Variants in POLDIP3 observed in about 807,000 individuals in gnomAD.
POLDIP3 encodes the protein polymerase delta-interacting protein 3.
Under a neutral mutation model 45.1 loss-of-function variants are expected in POLDIP3, and 14 were observed. That is an observed-to-expected ratio of 0.31 (90% CI 0.20 to 0.49). POLDIP3 has a LOEUF of 0.49. POLDIP3 is among the 20% of genes least tolerant of loss of function. The probability of loss-of-function intolerance (pLI) is 0.99; values close to 1 mark genes in which losing one functional copy is unlikely to be tolerated. For missense variants in POLDIP3, 511 were observed against 538.8 expected, an observed-to-expected ratio of 0.95 and a Z score of 0.51; for synonymous variants, 223 against 205.2, an observed-to-expected ratio of 1.09 and a Z score of -0.74.
At chr22:42,613,991 C>T in intron 1 of POLDIP3, among the ~76,000 whole-genome samples, 1 of 152,134 alleles carries the variant, frequency 6.6e-6, no homozygotes, top group East Asian at 1.9e-4. Context: ...GACATGACTG[C>T]AAATCACCTC....
At chr22:42,609,042 A>G (rs1334352693) in intron 1 of POLDIP3, among the ~76,000 whole-genome samples, 1 of 152,190 alleles carries the variant, frequency 6.6e-6, no homozygotes, top group Non-Finnish European at 1.5e-5. Flanking sequence ...AAATTTTTCA[A>G]ATCAACACTC....
intron 2 of POLDIP3, 63 bp from the exon 3 acceptor site, chr22:42,602,119 G>C (rs1926429028): frequency 6.2e-7 from 1 of 1,610,150 alleles, no homozygotes; most frequent in Non-Finnish European, 8.5e-7. Context: ...TAGAAGAAGG[G>C]GGTTACTGAA....
At chr22:42,602,746 T>A in intron 2 of POLDIP3, 24 bp downstream of exon 2, 3 of 1,566,464 alleles carry the variant, frequency 1.9e-6, no homozygotes, top group Non-Finnish European at 2.6e-6. Context: ...TTTCTGGGAA[T>A]TCATGACAAA....
At position 42,585,068 on chromosome 22, in the gene POLDIP3, G is replaced by A. The variant is rs1210883593; in HGVS notation, c.*723C>T. On this transcript the variant is annotated 3_prime_UTR_variant, in exon 9 of 9. Coordinates refer to ENST00000252115, the MANE Select transcript of POLDIP3 (RefSeq NM_032311.5). ...GACACCCAGAAGGGAAAGAGAGCTG[G>A]GGTGGGGCATTCAGCACAACTCAAG... 4.4e-6 allele frequency: 2 copies of A among 451,774 alleles called. No individual in the cohort carries two copies. Among genetic ancestry groups the A allele is most frequent in the African/African-American group, 4.0e-5 (2 of 49,752 alleles). The allele number at this position is 451,774 out of a possible 1,614,324, so 28.0% of individuals were successfully genotyped here. A position where few individuals can be genotyped will look rare whatever the true frequency, so the allele number is the denominator to read the frequency against.
In POLDIP3 at chr22:42,614,816, C is replaced by T. The variant is rs754004279; in HGVS notation, c.42G>A (p.Gly14=). 1 of 1,614,098 alleles carries T rather than the reference C, an allele frequency of 6.2e-7. No individual in the cohort carries two copies. The highest frequency in any genetic ancestry group is 8.5e-7 in the Non-Finnish European group (1 of 1,179,952). The change falls in exon 1 of 9, where the codon GGG becomes GGA. Residue 14 remains glycine (G), a synonymous_variant. Transcript: ENST00000252115. ...ISLDELIRKR[G]AAAKGRLNAR... is the part of the protein sequence containing the mutation. ...CCTCTCACCGTCCTTTCGCCGCCGC[C>T]CCGCGCTTCCTGATGAGTTCGTCCA...
chr22:42,605,168 T>C (rs1926643124), intron 1 of POLDIP3, among the ~76,000 whole-genome samples: 1 of 152,212 alleles, frequency 6.6e-6, no homozygotes, highest in Non-Finnish European at 1.5e-5. Flanking sequence ...TGCTCTGTCA[T>C]CCAGGCTGGA....
At chr22:42,610,026 T>C (rs1312229363) in intron 1 of POLDIP3, among the ~76,000 whole-genome samples, 1 of 151,960 alleles carries the variant, frequency 6.6e-6, no homozygotes, top group African/African-American at 2.4e-5. Context: ...TACAAAAAAT[T>C]AGCCGGGCGT....
intron 6 of POLDIP3, among the ~76,000 whole-genome samples, chr22:42,594,848 C>T (rs145531076): frequency 5.5e-4 from 84 of 152,300 alleles, no homozygotes; most frequent in Non-Finnish European, 9.8e-4. Flanking sequence ...CTTGTAATAC[C>T]TCCAAAGGAC....
At chr22:42,587,692 C>A (rs1601880776) in intron 7 of POLDIP3, 120 bp from the exon 8 acceptor site, 5 of 931,302 alleles carry the variant, frequency 5.4e-6, no homozygotes, top group East Asian at 2.5e-5. Flanking sequence ...GTTCTGGCTC[C>A]ACAGATGGAG....
intron 3 of POLDIP3, 44 bp downstream of exon 3, chr22:42,601,926 T>G: frequency 6.2e-7 from 1 of 1,600,960 alleles, no homozygotes; most frequent in African/African-American, 1.3e-5. Flanking sequence ...ATGTTCGCTA[T>G]GTACACACAG....
chr22:42,600,774 A>G (rs1926313177), intron 3 of POLDIP3, among the ~76,000 whole-genome samples: 1 of 152,172 alleles, frequency 6.6e-6, no homozygotes, highest in African/African-American at 2.4e-5. Context: ...GTTCGAGATC[A>G]GCCTGACCAA....
intron 6 of POLDIP3, 76 bp from the exon 7 acceptor site, chr22:42,592,160 G>T (rs1333177823): frequency 6.3e-7 from 1 of 1,586,332 alleles, no homozygotes; most frequent in Non-Finnish European, 8.6e-7. Flanking sequence ...GAAGGCCCTG[G>T]GGTGTGGTGG....
intron 1 of POLDIP3, among the ~76,000 whole-genome samples, chr22:42,609,565 AAAGATTCAGGCCCATG>A (rs1926990858): frequency 6.6e-6 from 1 of 152,144 alleles, no homozygotes; most frequent in Non-Finnish European, 1.5e-5. Context: ...GTCCAGTCCA[AAAGATTCAGGCCCATG>A]AAGTGGGGCC....
intron 3 of POLDIP3, among the ~76,000 whole-genome samples, chr22:42,601,105 A>C (rs1465337102): frequency 6.6e-6 from 1 of 152,142 alleles, no homozygotes; most frequent in East Asian, 1.9e-4. Context: ...AAAAAAAAAG[A>C]AGCGTACATG....
At chr22:42,593,313 C>T (rs1266053731) in intron 6 of POLDIP3, among the ~76,000 whole-genome samples, 2 of 152,114 alleles carry the variant, frequency 1.3e-5, no homozygotes, top group Non-Finnish European at 2.9e-5. Flanking sequence ...GGTGTAATTC[C>T]AATTTTATTA....
chr22:42,602,132 T>A, intron 2 of POLDIP3, 76 bp from the exon 3 acceptor site: 1 of 1,603,758 alleles, frequency 6.2e-7, no homozygotes, highest in Non-Finnish European at 8.5e-7. Flanking sequence ...TTACTGAACT[T>A]GATACATGGT....
intron 4 of POLDIP3, 77 bp downstream of exon 4, chr22:42,599,618 AAAC>A: frequency 8.9e-7 from 1 of 1,118,364 alleles, no homozygotes; most frequent in South Asian, 1.3e-5. Context: ...AAAACAAAAA[AAAC>A]AACAGGTTCT....
Position 42,614,821 on chromosome 22 carries a change from G to C in POLDIP3, c.37C>G (p.Arg13Gly), listed in dbSNP as rs747338994. The C allele has an allele frequency of 1.6e-5, 26 of 1,613,936 alleles. No homozygotes were observed. Among genetic ancestry groups the C allele is most frequent in the Non-Finnish European group, 2.2e-5 (26 of 1,179,944 alleles). The part of the protein sequence containing the change: ...DISLDELIRK[R>G]GAAAKGRLNA... Reference sequence around the variant, plus strand: ...CACCGTCCTTTCGCCGCCGCCCCGCGCTTCCTGATGAGTTCGTCCAGGGAG... The same window carrying C: ...CACCGTCCTTTCGCCGCCGCCCCGCCCTTCCTGATGAGTTCGTCCAGGGAG... Residue 13 changes from arginine to glycine, a missense_variant, in exon 1 of 9, where the codon CGC (arginine) becomes GGC (glycine). Transcript: ENST00000252115.
At chr22:42,600,348 T>C (rs1658112839) in intron 3 of POLDIP3, among the ~76,000 whole-genome samples, 2 of 152,164 alleles carry the variant, frequency 1.3e-5, no homozygotes, top group African/African-American at 4.8e-5. Flanking sequence ...TAACCATGGC[T>C]GGGCTCAGTG....
Sources: allele counts gnomAD v4.1 joint callset (sites outside exome capture counted in the v4.1 genomes callset), GRCh38; gene constraint gnomAD v4.1.1; transcripts MANE v1.5; gene names NCBI Gene and HGNC (gene_info 2026-07-23, HGNC 2026-07-21).